Variants in FNDC7 observed in about 807,000 individuals in gnomAD.
FNDC7 encodes the protein fibronectin type III domain containing 7.
Under a neutral mutation model 74.2 loss-of-function variants are expected in FNDC7, and 66 were observed. That is an observed-to-expected ratio of 0.89 (90% CI 0.73 to 1.09). The LOEUF is 1.09. Among genes scored for constraint, FNDC7 ranks in the 50% least tolerant of loss-of-function variants. The pLI is 0.00. For missense variants in FNDC7, 829 were observed against 893.4 expected (o/e 0.93, Z 0.92); for synonymous variants, 307 against 330.2 (o/e 0.93, Z 0.76).
Position 108,730,750 on chromosome 1 carries a change from A to G in FNDC7, c.1701A>G (p.Arg567=). 6.2e-7 allele frequency: 1 copy of G among 1,613,690 alleles called. No homozygotes were observed. The change falls in exon 9 of 13, where the codon AGA becomes AGG. Residue 567 remains arginine (R), a synonymous_variant. Coordinates refer to ENST00000370017, the MANE Select transcript of FNDC7 (RefSeq NM_001144937.3). ...TCAACGTGAGCTGGACTATTGGGAG[A>G]GTGGCTCAAACCCATGTTGCAGTTC... The part of the protein sequence containing the change: ...SVINVSWTIG[R]VAQTHVAVLE...
chr1:108,736,960 A>ATTCTT (rs1661529596), intron 10 of FNDC7, among the ~76,000 whole-genome samples: 1 of 98,830 alleles, frequency 1.0e-5, no homozygotes. Flanking sequence ...TCAGCTTGGC[A>ATTCTT]TTCTTTTTTT....
chr1:108,734,517 G>T (rs747128195), intron 10 of FNDC7: 5 of 152,192 alleles, frequency 3.3e-5, no homozygotes, highest in Non-Finnish European at 5.9e-5. Flanking sequence ...CAGAAAAAAA[G>T]AATAAATATT....
chr1:108,719,224 A>C (rs986337924), intron 4 of FNDC7, among the ~76,000 whole-genome samples, 175 bp downstream of exon 4: 1 of 152,218 alleles, frequency 6.6e-6, no homozygotes, highest in East Asian at 1.9e-4. Flanking sequence ...TCGGTAGTTT[A>C]AACGCTTCCT....
At chr1:108,729,712 A>C (rs1417241218) in intron 8 of FNDC7, among the ~76,000 whole-genome samples, 1 of 152,220 alleles carries the variant, frequency 6.6e-6, no homozygotes, top group Non-Finnish European at 1.5e-5. Flanking sequence ...CTATTATTAC[A>C]GCGTAGCATT....
intron 5 of FNDC7, among the ~76,000 whole-genome samples, chr1:108,722,807 G>A (rs1405311008): frequency 1.3e-5 from 2 of 152,226 alleles, no homozygotes; most frequent in Non-Finnish European, 2.9e-5. Flanking sequence ...GGAAAATTAG[G>A]AGGCCTGGTT....
chr1:108,739,491 G>C (rs1217707384), intron 11 of FNDC7, among the ~76,000 whole-genome samples: 1 of 152,214 alleles, frequency 6.6e-6, no homozygotes, highest in Non-Finnish European at 1.5e-5. Flanking sequence ...CTGGGTGACA[G>C]AGTGAGACAC....
At chr1:108,740,608 G>A (rs907219160) in intron 11 of FNDC7, among the ~76,000 whole-genome samples, 12 of 152,216 alleles carry the variant, frequency 7.9e-5, no homozygotes, top group Middle Eastern at 3.4e-3. Context: ...GATTACAGGC[G>A]TGAGCCACCG....
chr1:108,724,177 C>A (rs894194386), intron 5 of FNDC7, among the ~76,000 whole-genome samples: 1 of 152,102 alleles, frequency 6.6e-6, no homozygotes. Flanking sequence ...ATAAATGAGG[C>A]ATTATGTGGA....
intron 11 of FNDC7, among the ~76,000 whole-genome samples, chr1:108,738,085 C>A (rs1319611986): frequency 6.6e-6 from 1 of 152,184 alleles, no homozygotes. Context: ...TAGGAAGTGT[C>A]TGAGACTCCG....
chr1:108,734,829 T>C (rs1661475351), intron 10 of FNDC7: 2 of 152,202 alleles, frequency 1.3e-5, no homozygotes, highest in Non-Finnish European at 2.9e-5. Flanking sequence ...CATAATATTT[T>C]ATAATTTATC....
intron 3 of FNDC7, 55 bp downstream of exon 3, chr1:108,718,086 T>G (rs1028096437): frequency 1.3e-6 from 2 of 1,536,768 alleles, no homozygotes; most frequent in Non-Finnish European, 1.8e-6. Flanking sequence ...CTTGGATCAG[T>G]TATCCTGGTG....
In FNDC7 at chr1:108,727,752, C is replaced by A; in HGVS notation, c.1112-56C>A. ...CATGGGAGGTCAGGACACAGTGTAC[C>A]CCCAGCTGCATTGCTCTTGATGGGA... is the stretch of plus-strand genomic sequence containing the variant. On this transcript the variant is annotated intron_variant, in intron 6 of 12. Transcript: ENST00000370017. 3.1e-6 allele frequency: 5 copies of A among 1,590,898 alleles called. No individual in the cohort carries two copies. In the South Asian group the frequency reaches 5.8e-5, roughly 18 times the overall value.
At chr1:108,713,185 G>C (rs188622060) in intron 1 of FNDC7, among the ~76,000 whole-genome samples, 189 bp downstream of exon 1, 149 of 152,210 alleles carry the variant, frequency 9.8e-4, no homozygotes, top group African/African-American at 3.3e-3. Flanking sequence ...AAGAAAACAA[G>C]ATTATCATTA....
At chr1:108,713,453 C>T (rs769993823) in intron 1 of FNDC7, 58 bp from the exon 2 acceptor site, 12 of 1,437,148 alleles carry the variant, frequency 8.3e-6, no homozygotes, top group East Asian at 5.0e-5. Flanking sequence ...TCATGTTTTA[C>T]GTTTGTTCAA....
In FNDC7 at chr1:108,742,130, GT is replaced by G; in HGVS notation, c.*244del. ...CTCTGGAGAGAAATGAATCCAGAAA[GT>G]CCCCTGGACGGCTGCTAGCCTGAGT... On this transcript the variant is annotated 3_prime_UTR_variant, in exon 13 of 13. Coordinates refer to ENST00000370017, the MANE Select transcript of FNDC7 (RefSeq NM_001144937.3). 2.8e-6 allele frequency: 1 copy of G among 359,046 alleles called. No individual in the cohort carries two copies. Among genetic ancestry groups the G allele is most frequent in the Middle Eastern group, 8.1e-4 (1 of 1,238 alleles). The allele number at this position is 359,046 out of a possible 1,614,324, so 22.2% of individuals were successfully genotyped here.
At chr1:108,723,419 A>T (rs1366310322) in intron 5 of FNDC7, among the ~76,000 whole-genome samples, 3 of 152,190 alleles carry the variant, frequency 2.0e-5, no homozygotes, top group Non-Finnish European at 4.4e-5. Context: ...CAGTTATGTC[A>T]TTCTAAGTTT....
chr1:108,722,323 T>C lies in FNDC7; in HGVS notation c.599-12T>C. 1 of 1,570,630 alleles carries C rather than the reference T, an allele frequency of 6.4e-7. No homozygotes were observed. The highest frequency in any genetic ancestry group is 8.6e-7 in the Non-Finnish European group (1 of 1,158,624). ...GCTACTACAAAATCTTAATTGTTTC[T>C]CTAAAATGTAGGTCCTCGGGCCCCT... On this transcript the variant is annotated splice_polypyrimidine_tract_variant and intron_variant, in intron 4 of 12. Transcript: ENST00000370017.
intron 3 of FNDC7, 63 bp downstream of exon 3, chr1:108,718,094 G>A: frequency 6.5e-7 from 1 of 1,530,362 alleles, no homozygotes; most frequent in Admixed American, 2.0e-5. Context: ...AGTTATCCTG[G>A]TGCTGCAAAT....
chr1:108,732,573 C>T (rs116344091), intron 9 of FNDC7, among the ~76,000 whole-genome samples: 1,543 of 152,250 alleles, frequency 0.01, 17 homozygotes, highest in Middle Eastern at 0.041. Flanking sequence ...GATTCTGTGC[C>T]TTTGACTCAC....
Sources: allele counts gnomAD v4.1 joint callset (sites outside exome capture counted in the v4.1 genomes callset), GRCh38; gene constraint gnomAD v4.1.1; transcripts MANE v1.5; gene names NCBI Gene and HGNC (gene_info 2026-07-23, HGNC 2026-07-21).